SCLT1: variants seen among roughly 807,000 people sequenced by gnomAD.
The protein encoded by SCLT1 is sodium channel-associated protein 1.
In SCLT1, 78 loss-of-function variants were observed where a neutral mutation model predicts 112.8. The observed-to-expected ratio is 0.69, with a 90% CI of 0.58 to 0.83. The LOEUF is 0.83. Among genes scored for constraint, SCLT1 ranks in the 40% least tolerant of loss-of-function variants. SCLT1 has a pLI of 0.00. For synonymous variants in SCLT1, 257 were observed against 254.7 expected (o/e 1.01, Z -0.09); for missense variants, 747 against 770.4 (o/e 0.97, Z 0.36).
Position 128,966,095 on chromosome 4 carries a change from G to T in SCLT1, c.778-777C>A, listed in dbSNP as rs1186119584. ...TCCACCCACCTCGGCCTCCCAAAGT[G>T]CTGGGATTACAGGCGTGAGCCACCG... On this transcript the variant is annotated intron_variant, in intron 10 of 20. Transcript: ENST00000281142. Among the ~76,000 whole-genome samples the T allele has an allele frequency of 3.3e-5, 5 of 149,414 alleles. No homozygotes were observed. In the East Asian group the frequency reaches 9.8e-4, roughly 29 times the overall value.
At chr4:129,016,775 T>C (rs1745030124) in intron 5 of SCLT1, among the ~76,000 whole-genome samples, 1 of 152,190 alleles carries the variant, frequency 6.6e-6, no homozygotes, top group Admixed American at 6.5e-5. Flanking sequence ...CTTATATCCC[T>C]GGATTTCTTT....
At chr4:129,061,206 C>T (rs553869358) in intron 2 of SCLT1, among the ~76,000 whole-genome samples, 1 of 152,146 alleles carries the variant, frequency 6.6e-6, no homozygotes, top group East Asian at 1.9e-4. Flanking sequence ...CTGTATCTTA[C>T]TTTCTGTGAG....
At chr4:129,072,719 T>A (rs964293671) in intron 2 of SCLT1, among the ~76,000 whole-genome samples, 12 of 152,200 alleles carry the variant, frequency 7.9e-5, no homozygotes, top group African/African-American at 2.9e-4. Context: ...GTCTCATTTT[T>A]TGGATTTTCT....
At chr4:128,961,116 C>A (rs916261886) in intron 11 of SCLT1, among the ~76,000 whole-genome samples, 1 of 151,028 alleles carries the variant, frequency 6.6e-6, no homozygotes, top group Non-Finnish European at 1.5e-5. Context: ...TCAACTTTTG[C>A]GATTTCAGTT....
At chr4:128,918,498 A>G (rs1735639203) in intron 18 of SCLT1, among the ~76,000 whole-genome samples, 1 of 152,220 alleles carries the variant, frequency 6.6e-6, no homozygotes, top group African/African-American at 2.4e-5. Context: ...AAAAAACAAC[A>G]GAGAAGAATG....
Position 129,075,509 on chromosome 4 carries a change from G to A in SCLT1, c.102+6797C>T, listed in dbSNP as rs1209268335. The stretch of plus-strand genomic sequence containing the variant: ...TTTACGTGGGTAACTCATCAATAGA[G>A]AGTCCAGAATTACAATGGCCAATAC... On this transcript the variant is annotated intron_variant, in intron 2 of 20. Coordinates refer to ENST00000281142, the MANE Select transcript of SCLT1 (RefSeq NM_144643.4). Among the ~76,000 whole-genome samples, 5 of 152,158 alleles carry A rather than the reference G, an allele frequency of 3.3e-5. No individual in the cohort carries two copies. The South Asian group carries it at 1.0e-3, about 32-fold the overall frequency.
intron 5 of SCLT1, among the ~76,000 whole-genome samples, chr4:129,028,728 G>C (rs1746386142): frequency 6.6e-6 from 1 of 152,024 alleles, no homozygotes; most frequent in Admixed American, 6.6e-5. Context: ...ACTACCATCA[G>C]AGTGAACAGG....
chr4:128,925,437 C>T (rs1170570447), intron 18 of SCLT1, among the ~76,000 whole-genome samples: 1 of 151,896 alleles, frequency 6.6e-6, no homozygotes, highest in Admixed American at 6.6e-5. Context: ...CTGCCTCCTG[C>T]CTCAGCCTCC....
chr4:128,980,638 C>T (rs1333338474), intron 9 of SCLT1, among the ~76,000 whole-genome samples: 1 of 152,084 alleles, frequency 6.6e-6, no homozygotes, highest in Non-Finnish European at 1.5e-5. Flanking sequence ...ATATTTAAGG[C>T]TCTAGCACCC....
intron 13 of SCLT1, among the ~76,000 whole-genome samples, chr4:128,955,667 C>T (rs1242872864): frequency 6.6e-6 from 1 of 152,136 alleles, no homozygotes; most frequent in African/African-American, 2.4e-5. Context: ...ATTCACAGAA[C>T]AATGCTAAAA....
chr4:128,970,547 G>T, intron 9 of SCLT1, 79 bp from the exon 10 acceptor site: 2 of 796,576 alleles, frequency 2.5e-6, no homozygotes, highest in Non-Finnish European at 4.2e-6. Context: ...ATCTGAATTT[G>T]GTAAAATCAG....
intron 1 of SCLT1, among the ~76,000 whole-genome samples, chr4:129,089,981 C>G (rs1024418926): frequency 6.6e-6 from 1 of 152,066 alleles, no homozygotes; most frequent in African/African-American, 2.4e-5. Flanking sequence ...ACTGCACGTT[C>G]TGCACATGTA....
At chr4:129,081,933 C>T (rs1751977475) in intron 2 of SCLT1, among the ~76,000 whole-genome samples, 1 of 151,722 alleles carries the variant, frequency 6.6e-6, no homozygotes, top group South Asian at 2.1e-4. Flanking sequence ...ATATGACAAC[C>T]AAGGAAAAAA....
intron 10 of SCLT1, among the ~76,000 whole-genome samples, chr4:128,969,940 T>C (rs1370700677): frequency 6.6e-6 from 1 of 152,182 alleles, no homozygotes; most frequent in Non-Finnish European, 1.5e-5. Flanking sequence ...AATAATTATA[T>C]CTATCTAAAA....
At chr4:129,041,600 T>C (rs1047556535) in intron 4 of SCLT1, among the ~76,000 whole-genome samples, 10 of 152,140 alleles carry the variant, frequency 6.6e-5, no homozygotes, top group Middle Eastern at 3.2e-3. Flanking sequence ...AAGGGCCTAC[T>C]ATGTGCTACA....
rs562046690 is a variant in SCLT1, at chr4:128,991,585, A to T, written c.686+582T>A. ...TAAACTACCCACTGGACAAGGGATT[A>T]ATAACCAGAATTGGAATATATAAGG... On this transcript the variant is annotated intron_variant, in intron 9 of 20. Transcript: ENST00000281142. Among the ~76,000 whole-genome samples, 5 of 152,034 alleles carry T rather than the reference A, an allele frequency of 3.3e-5. No homozygotes were observed. In the South Asian group the frequency reaches 1.0e-3, roughly 31 times the overall value.
chr4:129,065,916 A>C (rs1699384), intron 2 of SCLT1, among the ~76,000 whole-genome samples: 111,233 of 151,908 alleles, frequency 0.73, 42,380 homozygotes, highest in South Asian at 0.9. Context: ...AATTAGAGTA[A>C]CCAGACACTG....
At chr4:129,033,068 G>A (rs1746870589) in intron 5 of SCLT1, among the ~76,000 whole-genome samples, 1 of 152,020 alleles carries the variant, frequency 6.6e-6, no homozygotes, top group African/African-American at 2.4e-5. Flanking sequence ...CAATAGCAAA[G>A]ACTTGGAACC....
At chr4:128,997,080 G>A (rs552149032) in intron 8 of SCLT1, 1 of 151,964 alleles carries the variant, frequency 6.6e-6, no homozygotes, top group East Asian at 1.9e-4. Context: ...GTATAATATA[G>A]TATCAAAAAC....
Sources: allele counts gnomAD v4.1 joint callset (sites outside exome capture counted in the v4.1 genomes callset), GRCh38; gene constraint gnomAD v4.1.1; transcripts MANE v1.5; gene names NCBI Gene and HGNC (gene_info 2026-07-23, HGNC 2026-07-21).